RBFOX2: variants seen among roughly 807,000 people sequenced by gnomAD.
The protein encoded by RBFOX2 is RNA binding fox-1 homolog 2, also known as RNA binding protein fox-1 homolog 2.
Under a neutral mutation model 49.1 loss-of-function variants are expected in RBFOX2, and 10 were observed. That is an observed-to-expected ratio of 0.20 (90% CI 0.13 to 0.35). The LOEUF (loss-of-function observed/expected upper bound fraction) is 0.35, where lower values mean the gene tolerates loss of function less well. Ranked by LOEUF, RBFOX2 falls within the 10% of genes least tolerant of loss-of-function variation. The pLI is 1.00. For missense variants in RBFOX2, 323 were observed against 486.9 expected, an observed-to-expected ratio of 0.66 and a Z score of 3.17; for synonymous variants, 183 against 187.4, an observed-to-expected ratio of 0.98 and a Z score of 0.19.
chr22:35,967,292 A>G (rs2056618244), intron 1 of RBFOX2, among the ~76,000 whole-genome samples: 1 of 152,136 alleles, frequency 6.6e-6, no homozygotes, highest in Non-Finnish European at 1.5e-5. Flanking sequence ...AGTAGCATTT[A>G]AAATGTGAAT....
At chr22:35,935,098 C>A (rs1037961390) in intron 1 of RBFOX2, among the ~76,000 whole-genome samples, 4 of 152,036 alleles carry the variant, frequency 2.6e-5, no homozygotes, top group African/African-American at 4.8e-5. Flanking sequence ...CTACACCCGG[C>A]TGATTTTTTT....
intron 2 of RBFOX2, among the ~76,000 whole-genome samples, chr22:35,801,960 A>C (rs1406138724): frequency 6.6e-6 from 1 of 152,240 alleles, no homozygotes; most frequent in Non-Finnish European, 1.5e-5. Context: ...GTTCACAGGC[A>C]CAAATCAAAG....
intron 9 of RBFOX2, chr22:35,750,540 G>T: frequency 4.0e-6 from 4 of 1,003,424 alleles, no homozygotes; most frequent in Non-Finnish European, 6.2e-6. Context: ...CACACGGACG[G>T]CTTTTTGGAA....
intron 1 of RBFOX2, among the ~76,000 whole-genome samples, chr22:35,833,197 G>A (rs141849470): frequency 1.5e-3 from 223 of 152,212 alleles, no homozygotes; most frequent in Admixed American, 4.2e-3. Context: ...TCTGGAAACC[G>A]TATGTTTTCA....
intron 1 of RBFOX2, among the ~76,000 whole-genome samples, chr22:35,890,833 C>A (rs1351692208): frequency 6.6e-6 from 1 of 151,872 alleles, no homozygotes; most frequent in Non-Finnish European, 1.5e-5. Flanking sequence ...CAGGTTCTCC[C>A]AAAAGAAGCT....
intron 1 of RBFOX2, among the ~76,000 whole-genome samples, chr22:35,917,430 G>A (rs2149558834): frequency 6.6e-6 from 1 of 152,304 alleles, no homozygotes; most frequent in South Asian, 2.1e-4. Context: ...AGGGGACAGT[G>A]AAAATGCACA....
At chr22:35,789,082 T>A (rs1182682333) in intron 2 of RBFOX2, among the ~76,000 whole-genome samples, 1 of 152,154 alleles carries the variant, frequency 6.6e-6, no homozygotes, top group Non-Finnish European at 1.5e-5. Context: ...AAAGTTAATA[T>A]AGAATATAAC....
At chr22:35,742,608 A>C (rs1930503906) in exon 12 of RBFOX2, 1 of 152,634 alleles carries the variant, frequency 6.6e-6, no homozygotes, top group South Asian at 2.1e-4. Context: ...GGAGCCAAAA[A>C]GACCGTGCTT....
intron 1 of RBFOX2, among the ~76,000 whole-genome samples, chr22:35,927,001 T>C (rs771006968): frequency 1.4e-4 from 21 of 152,222 alleles, no homozygotes; most frequent in Non-Finnish European, 2.6e-4. Context: ...TCAAACATCC[T>C]ATGGTATCCT....
chr22:35,896,050 C>T (rs1006384764), intron 1 of RBFOX2, among the ~76,000 whole-genome samples: 7 of 152,166 alleles, frequency 4.6e-5, no homozygotes, highest in South Asian at 2.1e-4. Context: ...AATGCCCATA[C>T]GTGTTCCTTG....
intron 1 of RBFOX2, among the ~76,000 whole-genome samples, chr22:35,947,451 G>GT (rs2054414384): frequency 6.7e-6 from 1 of 150,358 alleles, no homozygotes; most frequent in African/African-American, 2.4e-5. Context: ...TTCTACTTAT[G>GT]TAAAAAAAAA....
At chr22:36,000,415 T>A (rs1289407969) in intron 1 of RBFOX2, 1 of 152,216 alleles carries the variant, frequency 6.6e-6, no homozygotes, top group African/African-American at 2.4e-5. Flanking sequence ...ACACACTGTA[T>A]CCAAGGAGTT....
intron 4 of RBFOX2, among the ~76,000 whole-genome samples, chr22:35,773,566 A>T (rs1297663530): frequency 1.3e-5 from 2 of 152,050 alleles, no homozygotes; most frequent in Non-Finnish European, 2.9e-5. Flanking sequence ...ATCAATTTTT[A>T]AAAAAGAAAA....
intron 1 of RBFOX2, among the ~76,000 whole-genome samples, chr22:35,957,805 G>C (rs532097877): frequency 6.6e-6 from 1 of 152,128 alleles, no homozygotes; most frequent in Non-Finnish European, 1.5e-5. Flanking sequence ...ATCTGGATCT[G>C]AATGGAATAA....
At chr22:35,878,041 CACACACACACACACACACACACACACA>C in intron 1 of RBFOX2, among the ~76,000 whole-genome samples, 1 of 64,184 alleles carries the variant, frequency 1.6e-5, no homozygotes, top group Non-Finnish European at 3.5e-5. Context: ...ACTACTACTA[CACACACACACACACACACACACACACA>C]CACACACACA....
chr22:36,004,058 G>T (rs879402023), intron 1 of RBFOX2, among the ~76,000 whole-genome samples: 6 of 152,072 alleles, frequency 3.9e-5, no homozygotes, highest in African/African-American at 1.4e-4. Flanking sequence ...ACTCAAAAAT[G>T]TCTCCAGACG....
At chr22:35,955,422 C>A (rs1335316592) in intron 1 of RBFOX2, among the ~76,000 whole-genome samples, 1 of 152,000 alleles carries the variant, frequency 6.6e-6, no homozygotes, top group Non-Finnish European at 1.5e-5. Context: ...GTAAACTAAA[C>A]CAGTGAGAAG....
chr22:35,900,206 C>G (rs184569847), intron 1 of RBFOX2, among the ~76,000 whole-genome samples: 5 of 152,072 alleles, frequency 3.3e-5, no homozygotes, highest in African/African-American at 1.2e-4. Flanking sequence ...CTCCGCCTCC[C>G]GGGTTCAAGT....
At chr22:35,939,212 T>C (rs1324290046), upstream of RBFOX2, 1 of 531,542 alleles carries the variant, frequency 1.9e-6, no homozygotes, top group Admixed American at 2.2e-5. Flanking sequence ...CCTAACTTCA[T>C]CATACACTGT....
Sources: allele counts gnomAD v4.1 joint callset (sites outside exome capture counted in the v4.1 genomes callset), GRCh38; gene constraint gnomAD v4.1.1; transcripts MANE v1.5; gene names NCBI Gene and HGNC (gene_info 2026-07-23, HGNC 2026-07-21).